Variants in TASP1 observed in about 807,000 individuals in gnomAD.
The protein encoded by TASP1 is threonine aspartase 1.
Under a neutral mutation model 56.6 loss-of-function variants are expected in TASP1, and 16 were observed. That is an observed-to-expected ratio of 0.28 (90% CI 0.19 to 0.43). TASP1 has a LOEUF of 0.43. Ranked by LOEUF, TASP1 falls within the 20% of genes least tolerant of loss-of-function variation. TASP1 has a pLI of 1.00. For synonymous variants in TASP1, 179 were observed against 184.2 expected (o/e 0.97, Z 0.23); for missense variants, 393 against 511.6 (o/e 0.77, Z 2.24).
At chr20:13,379,493 T>C in the TASP1 span, among the ~76,000 whole-genome samples, 6 of 152,212 alleles carry the variant, frequency 3.9e-5, no homozygotes, top group African/African-American at 7.2e-5. Context: ...CATTTCTCTC[T>C]GGCTACCCTT....
chr20:13,390,243 C>T lies in TASP1; in HGVS notation c.*117G>A, dbSNP rs2041222414. 11 of 914,760 alleles carry T rather than the reference C, an allele frequency of 1.2e-5. No homozygotes were observed. Among genetic ancestry groups the T allele is most frequent in the South Asian group, 7.7e-5 (5 of 64,668 alleles). The allele number at this position is 914,760 out of a possible 1,614,324, so 56.7% of individuals were successfully genotyped here. A position where few individuals can be genotyped will look rare whatever the true frequency, so the allele number is the denominator to read the frequency against. Reference sequence around the variant, plus strand: ...CAGCACTTGTGTCTCGAGCAGTGCACGAGGTTGCAATAGGAATTATAAAAC... The same window carrying T: ...CAGCACTTGTGTCTCGAGCAGTGCATGAGGTTGCAATAGGAATTATAAAAC... On this transcript the variant is annotated 3_prime_UTR_variant, in exon 14 of 14. Coordinates refer to ENST00000337743, the MANE Select transcript of TASP1 (RefSeq NM_017714.3).
the TASP1 span, among the ~76,000 whole-genome samples, chr20:13,357,983 G>T: frequency 9.4e-3 from 1,426 of 152,220 alleles, 21 homozygotes; most frequent in African/African-American, 0.032. Context: ...GAAGTGAATA[G>T]GCCCTGCCGC....
chr20:13,432,348 T>C (rs1452387681), intron 12 of TASP1, among the ~76,000 whole-genome samples: 1 of 152,162 alleles, frequency 6.6e-6, no homozygotes, highest in African/African-American at 2.4e-5. Flanking sequence ...AGTGAGGGTG[T>C]TTCCCGTGAG....
At chr20:13,374,591 G>A in the TASP1 span, among the ~76,000 whole-genome samples, 315 of 152,116 alleles carry the variant, frequency 2.1e-3, 1 homozygote, top group Non-Finnish European at 3.5e-3. Flanking sequence ...CTTGTGATCT[G>A]CCCGCCTCAG....
chr20:13,346,859 A>G, the TASP1 span, among the ~76,000 whole-genome samples: 1 of 152,254 alleles, frequency 6.6e-6, no homozygotes, highest in Non-Finnish European at 1.5e-5. Context: ...ATTTGAACCA[A>G]TGATTCCACT....
At chr20:13,599,544 G>T (rs562880052) in intron 4 of TASP1, among the ~76,000 whole-genome samples, 150 of 152,302 alleles carry the variant, frequency 9.8e-4, no homozygotes, top group Non-Finnish European at 2.0e-3. Context: ...GGGGGCTGGG[G>T]GAGGGATAGC....
the TASP1 span, among the ~76,000 whole-genome samples, chr20:13,313,966 A>G: frequency 2.0e-5 from 3 of 152,230 alleles, no homozygotes; most frequent in African/African-American, 4.8e-5. Flanking sequence ...GATGCTAAAG[A>G]TCAAAAACAT....
chr20:13,353,828 T>C, the TASP1 span, among the ~76,000 whole-genome samples: 2 of 152,052 alleles, frequency 1.3e-5, no homozygotes, highest in Admixed American at 1.3e-4. Flanking sequence ...TTATTATAAA[T>C]AGTAACAGAG....
At chr20:13,618,212 C>T (rs990097003) in intron 4 of TASP1, among the ~76,000 whole-genome samples, 11 of 152,140 alleles carry the variant, frequency 7.2e-5, no homozygotes, top group East Asian at 5.8e-4. Context: ...GAGTTCGAGA[C>T]CAGCCTGGGA....
chr20:13,360,349 C>G, the TASP1 span, among the ~76,000 whole-genome samples: 1 of 151,030 alleles, frequency 6.6e-6, no homozygotes, highest in South Asian at 2.1e-4. Context: ...TTCAATCAAG[C>G]CCAAATTTCT....
chr20:13,356,655 A>G, the TASP1 span, among the ~76,000 whole-genome samples: 35,689 of 152,084 alleles, frequency 0.23, 5,572 homozygotes, highest in African/African-American at 0.44. Flanking sequence ...TCTAGATAAC[A>G]CTTAACTTTT....
At chr20:13,119,747 A>G in the TASP1 span, among the ~76,000 whole-genome samples, 5 of 152,212 alleles carry the variant, frequency 3.3e-5, no homozygotes. Context: ...TCGTTAGCCT[A>G]CGCTGAGATC....
the TASP1 span, among the ~76,000 whole-genome samples, chr20:13,171,000 G>C: frequency 1.3e-5 from 2 of 152,190 alleles, no homozygotes; most frequent in Admixed American, 1.3e-4. Context: ...TGTGTGAAAA[G>C]TGAATGGGTA....
At chr20:13,343,529 C>CGGTTCCACCGCTTCCA in the TASP1 span, among the ~76,000 whole-genome samples, 39 of 148,474 alleles carry the variant, frequency 2.6e-4, no homozygotes, top group South Asian at 7.9e-3. Flanking sequence ...CTGCAGGCTG[C>CGGTTCCACCGCTTCCA]GGTTCCACCG....
chr20:13,458,321 T>G (rs1039687597), intron 11 of TASP1, among the ~76,000 whole-genome samples: 1 of 152,130 alleles, frequency 6.6e-6, no homozygotes, highest in African/African-American at 2.4e-5. Flanking sequence ...AATTTTTAAT[T>G]TCCACAGTTT....
At chr20:13,161,866 C>T in the TASP1 span, among the ~76,000 whole-genome samples, 1 of 152,300 alleles carries the variant, frequency 6.6e-6, no homozygotes, top group Non-Finnish European at 1.5e-5. Flanking sequence ...TGTCCTTCGT[C>T]TTCACCAGTA....
chr20:13,592,394 T>C (rs2047566302), intron 4 of TASP1, among the ~76,000 whole-genome samples: 1 of 101,748 alleles, frequency 9.8e-6, no homozygotes, highest in South Asian at 3.2e-4. Context: ...CGAAACACTG[T>C]CTCAAAAAAA....
chr20:13,195,897 G>A, the TASP1 span, among the ~76,000 whole-genome samples: 8 of 151,890 alleles, frequency 5.3e-5, no homozygotes, highest in Non-Finnish European at 1.0e-4. Flanking sequence ...TCATGCTGCC[G>A]GGCTAACTAA....
intron 13 of TASP1, among the ~76,000 whole-genome samples, chr20:13,392,074 A>G (rs1342691220): frequency 2.6e-5 from 4 of 152,082 alleles, no homozygotes; most frequent in Non-Finnish European, 5.9e-5. Context: ...AAAATGCAAT[A>G]AACTGTTTTA....
Sources: allele counts gnomAD v4.1 joint callset (sites outside exome capture counted in the v4.1 genomes callset), GRCh38; gene constraint gnomAD v4.1.1; transcripts MANE v1.5; gene names NCBI Gene and HGNC (gene_info 2026-07-23, HGNC 2026-07-21).